Variants in CENPP observed in about 807,000 individuals in gnomAD.
The protein encoded by CENPP is centromere protein P.
In CENPP, 24 loss-of-function variants were observed where a neutral mutation model predicts 35.6. That is an observed-to-expected ratio of 0.67 (90% confidence interval 0.49 to 0.95). The LOEUF is 0.95. Among genes scored for constraint, CENPP ranks in the 40% least tolerant of loss-of-function variants. The probability of loss-of-function intolerance (pLI) is 0.00; values close to 1 mark genes in which losing one functional copy is unlikely to be tolerated. For synonymous variants in CENPP, 120 were observed against 125.5 expected (o/e 0.96, Z 0.29); for missense variants, 332 against 345.3 (o/e 0.96, Z 0.31).
Position 92,438,323 on chromosome 9 carries a change from CTCAGCACCAT to C in CENPP, c.564+58466_564+58475del, listed in dbSNP as rs1271720827. Among the ~76,000 whole-genome samples, 3 of 152,066 alleles carry C rather than the reference CTCAGCACCAT, an allele frequency of 2.0e-5. No homozygotes were observed. The East Asian group carries it at 5.8e-4, about 29-fold the overall frequency. ...TTTTTGCATGTGAATATCCAATTGT[CTCAGCACCAT>C]TTGTTGAAAGGACAGTTATTTCTCC... On this transcript the variant is annotated intron_variant, in intron 5 of 7. Transcript: ENST00000375587.
chr9:92,451,192 A>G (rs1342314233), intron 5 of CENPP, among the ~76,000 whole-genome samples: 1 of 149,370 alleles, frequency 6.7e-6, no homozygotes, highest in Non-Finnish European at 1.5e-5. Flanking sequence ...CCTGAATGGT[A>G]ATGCCTAGGT....
chr9:92,389,832 A>T, intron 5 of CENPP: 2 of 1,500,748 alleles, frequency 1.3e-6, no homozygotes. Context: ...TACTATGCTT[A>T]GTTTTACTAT....
chr9:92,536,869 A>ATTTT (rs11459753), intron 5 of CENPP, among the ~76,000 whole-genome samples: 5,175 of 141,468 alleles, frequency 0.037, 146 homozygotes, highest in South Asian at 0.084. Flanking sequence ...TATTTTTTAA[A>ATTTT]TTTTTTTTTT....
intron 4 of CENPP, among the ~76,000 whole-genome samples, chr9:92,347,910 A>G (rs765777217): frequency 5.3e-5 from 8 of 152,140 alleles, no homozygotes; most frequent in African/African-American, 9.7e-5. Flanking sequence ...AATTAAAAAT[A>G]AGACAAAACT....
At chr9:92,464,139 C>A (rs1588149336) in intron 5 of CENPP, among the ~76,000 whole-genome samples, 1 of 152,160 alleles carries the variant, frequency 6.6e-6, no homozygotes, top group Non-Finnish European at 1.5e-5. Flanking sequence ...GCAAAGAGAG[C>A]ATGTGCCCTT....
chr9:92,607,515 T>TA (rs1851115742), intron 5 of CENPP, among the ~76,000 whole-genome samples: 1 of 152,198 alleles, frequency 6.6e-6, no homozygotes. Flanking sequence ...ACCTTGTGAA[T>TA]ATACTAGTAC....
intron 1 of CENPP, among the ~76,000 whole-genome samples, chr9:92,330,421 T>C (rs1385335013): frequency 6.6e-6 from 1 of 152,138 alleles, no homozygotes; most frequent in Non-Finnish European, 1.5e-5. Context: ...AGAATACATA[T>C]TTAGGATAGC....
chr9:92,449,966 A>C (rs1344914355), intron 5 of CENPP, among the ~76,000 whole-genome samples: 1 of 152,128 alleles, frequency 6.6e-6, no homozygotes, highest in East Asian at 1.9e-4. Context: ...ATTATTGTTT[A>C]ATGTTATTTG....
rs778863745 is a variant in CENPP at position 92,505,694 on chromosome 9, T to TA, written c.565-105614dup. On this transcript the variant is annotated intron_variant, in intron 5 of 7. Transcript: ENST00000375587. Reference sequence around the variant, plus strand: ...AAGGTGACCAACTGATTTAAGTCTATAAAAAATAAAAGTATTAGAATATTA... The same window carrying TA: ...AAGGTGACCAACTGATTTAAGTCTATAAAAAAATAAAAGTATTAGAATATTA... 2.4e-5 allele frequency: 37 copies of TA among 1,559,082 alleles called. 1 individual carries two copies. Among genetic ancestry groups the TA allele is most frequent in the Admixed American group, 8.9e-5 (4 of 44,892 alleles).
At chr9:92,374,087 C>T (rs1842069827) in intron 4 of CENPP, among the ~76,000 whole-genome samples, 1 of 138,692 alleles carries the variant, frequency 7.2e-6, no homozygotes, top group African/African-American at 2.7e-5. Flanking sequence ...TGCTGGATTG[C>T]TACTGGCTTG....
intron 6 of CENPP, among the ~76,000 whole-genome samples, chr9:92,611,970 C>T (rs1564021703): frequency 1.3e-5 from 2 of 152,206 alleles, no homozygotes; most frequent in African/African-American, 4.8e-5. Flanking sequence ...CTGGGACTTG[C>T]CTTTGTCACC....
chr9:92,585,751 G>C (rs559000117), intron 5 of CENPP, among the ~76,000 whole-genome samples: 1 of 152,276 alleles, frequency 6.6e-6, no homozygotes, highest in South Asian at 2.1e-4. Context: ...GCAAGTGCTT[G>C]GTGAGGAGAA....
intron 5 of CENPP, chr9:92,390,187 C>T (rs565073467): frequency 1.1e-4 from 65 of 587,572 alleles, no homozygotes; most frequent in South Asian, 7.3e-4. Context: ...GTTTACAATT[C>T]ATAGCCCAGT....
intron 5 of CENPP, among the ~76,000 whole-genome samples, chr9:92,547,488 A>G (rs951312332): frequency 2.0e-5 from 3 of 152,280 alleles, no homozygotes; most frequent in Admixed American, 6.5e-5. Flanking sequence ...GGAATGTCAT[A>G]CTGACACATG....
chr9:92,567,373 G>GATATATAGATATATATAT lies in CENPP; in HGVS notation c.565-43934_565-43933insGATATATATATATATATA, dbSNP rs1554688236. Among the ~76,000 whole-genome samples the GATATATAGATATATATAT allele has an allele frequency of 4.3e-4, 55 of 129,084 alleles. 1 individual carries two copies. Among genetic ancestry groups the GATATATAGATATATATAT allele is most frequent in the East Asian group, 3.6e-3 (14 of 3,928 alleles). 84.7% of individuals were successfully genotyped at this position (129,084 alleles called of 152,430 possible). A position where few individuals can be genotyped will look rare whatever the true frequency, so the allele number is the denominator to read the frequency against. ...ATGGGGTATACAGTTACATAAGATA[G>GATATATAGATATATATAT]ATATATATATATATATATATATAGA... is the stretch of plus-strand genomic sequence containing the variant. On this transcript the variant is annotated intron_variant, in intron 5 of 7. Transcript: ENST00000375587.
At chr9:92,337,453 T>C in intron 2 of CENPP, 88 bp from the exon 3 acceptor site, 1 of 759,854 alleles carries the variant, frequency 1.3e-6, no homozygotes, top group Non-Finnish European at 2.4e-6. Context: ...TACCCACATG[T>C]ATTGTAGATA....
chr9:92,361,390 C>G (rs1161894873), intron 4 of CENPP, among the ~76,000 whole-genome samples: 1 of 151,816 alleles, frequency 6.6e-6, no homozygotes, highest in Admixed American at 6.6e-5. Context: ...ATCCATGCAC[C>G]TCAGCCTCCC....
chr9:92,596,524 G>A (rs1850788445), intron 5 of CENPP, among the ~76,000 whole-genome samples: 1 of 149,154 alleles, frequency 6.7e-6, no homozygotes, highest in South Asian at 2.1e-4. Context: ...TTGGAAGCTA[G>A]AAAGTGTGGT....
chr9:92,396,978 C>T lies in CENPP; in HGVS notation c.564+17119C>T, dbSNP rs545201068. 8.6e-5 allele frequency among the ~76,000 whole-genome samples: 13 copies of T among 151,920 alleles called. 1 individual carries two copies. The highest frequency in any genetic ancestry group is 3.1e-4 in the African/African-American group (13 of 41,452). On this transcript the variant is annotated intron_variant, in intron 5 of 7. Coordinates refer to ENST00000375587, the MANE Select transcript of CENPP (RefSeq NM_001012267.3). Reference sequence around the variant, plus strand: ...ATCATTTGAGTCTAGGAGTTTGAGACCAACCTGGGCAACATGATGAAACCT... The same window carrying T: ...ATCATTTGAGTCTAGGAGTTTGAGATCAACCTGGGCAACATGATGAAACCT...
Sources: gnomAD v4.1 joint callset for allele counts (sites outside exome capture counted in the v4.1 genomes callset) on GRCh38, gnomAD v4.1.1 for gene constraint, MANE v1.5 for transcripts, NCBI Gene and HGNC (gene_info 2026-07-23, HGNC 2026-07-21) for gene names.